Variants in ADGRL3 observed in about 807,000 individuals in gnomAD.
ADGRL3 encodes the protein adhesion G protein-coupled receptor L3.
Under a neutral mutation model 153.5 loss-of-function variants are expected in ADGRL3, and 62 were observed. That is an observed-to-expected ratio of 0.40 (90% CI 0.33 to 0.50). The LOEUF (loss-of-function observed/expected upper bound fraction) is 0.50, where lower values mean the gene tolerates loss of function less well. ADGRL3 is among the 20% of genes least tolerant of loss of function. ADGRL3 has a pLI of 0.47. For synonymous variants in ADGRL3, 710 were observed against 672.5 expected (o/e 1.06, Z -0.86); for missense variants, 1,641 against 1,859.4 (o/e 0.88, Z 2.16).
At chr4:61,455,206 C>G (rs2097720634) in intron 2 of ADGRL3, among the ~76,000 whole-genome samples, 1 of 152,056 alleles carries the variant, frequency 6.6e-6, no homozygotes, top group South Asian at 2.1e-4. Context: ...CTGAGCATGA[C>G]TCTTGAAGCT....
Position 61,432,647 on chromosome 4 carries a change from TTTCTTTC to T in ADGRL3, c.-174+49461_-174+49467del, listed in dbSNP as rs1199602869. The stretch of plus-strand genomic sequence containing the variant: ...CTTTCTTTCTTTCTTTCTTTCTTTC[TTTCTTTC>T]TTTTTTTTTTTTTTTTGAGACAGAA... On this transcript the variant is annotated intron_variant, in intron 2 of 26. Coordinates refer to ENST00000683033, the MANE Select transcript of ADGRL3 (RefSeq NM_001387552.1). Among the ~76,000 whole-genome samples, 204 of 40,150 alleles carry T rather than the reference TTTCTTTC, an allele frequency of 5.1e-3. 15 individuals are homozygous for T. Among genetic ancestry groups the T allele is most frequent in the South Asian group, 7.5e-3 (7 of 938 alleles). 26.3% of individuals were successfully genotyped at this position (40,150 alleles called of 152,430 possible).
In ADGRL3 at chr4:61,432,574, CTTT is replaced by C. The variant is rs1560622569; in HGVS notation, c.-174+49386_-174+49388del. 1.8e-3 allele frequency among the ~76,000 whole-genome samples: 3 copies of C among 1,666 alleles called. 1 individual carries two copies. The highest frequency in any genetic ancestry group is 2.6e-3 in the African/African-American group (3 of 1,168). The allele number at this position is 1,666 out of a possible 152,430, so 1.1% of individuals were successfully genotyped here. A position where few individuals can be genotyped will look rare whatever the true frequency, so the allele number is the denominator to read the frequency against. ...TTATAGATTTCTTTTCTTTCTCTTC[CTTT>C]CTTTCTTTCTTTCTTTCTTTCTTTC... is the stretch of plus-strand genomic sequence containing the variant. On this transcript the variant is annotated intron_variant, in intron 2 of 26. Transcript: ENST00000683033.
At chr4:61,786,562 T>A (rs2097278457) in intron 8 of ADGRL3, among the ~76,000 whole-genome samples, 1 of 152,224 alleles carries the variant, frequency 6.6e-6, no homozygotes, top group African/African-American at 2.4e-5. Context: ...CACCCTTAGC[T>A]GCTATTGCCA....
intron 1 of ADGRL3, among the ~76,000 whole-genome samples, chr4:61,368,956 G>T (rs1454934089): frequency 6.6e-6 from 1 of 152,150 alleles, no homozygotes; most frequent in East Asian, 1.9e-4. Flanking sequence ...TCCCTTGTAA[G>T]TTGGATTCCT....
At chr4:61,869,540 G>A (rs1477488188) in intron 9 of ADGRL3, among the ~76,000 whole-genome samples, 1 of 151,960 alleles carries the variant, frequency 6.6e-6, no homozygotes, top group Non-Finnish European at 1.5e-5. Context: ...GGAGCTTGCA[G>A]TGAGCCGAGA....
chr4:61,883,990 T>C lies in ADGRL3; in HGVS notation c.1481-8666T>C, dbSNP rs1381048718. Among the ~76,000 whole-genome samples the C allele has an allele frequency of 5.9e-5, 9 of 152,180 alleles. No individual in the cohort carries two copies. The South Asian group carries it at 8.3e-4, about 14-fold the overall frequency. Reference sequence around the variant, plus strand: ...GTATTTCTCCTCTTTGTATTTTCTATCTTCTTTGGTAGCTTTTTCCATAAG... The same window carrying C: ...GTATTTCTCCTCTTTGTATTTTCTACCTTCTTTGGTAGCTTTTTCCATAAG... On this transcript the variant is annotated intron_variant, in intron 9 of 26. Transcript: ENST00000683033.
At chr4:61,215,321 A>T (rs967632851) in intron 1 of ADGRL3, among the ~76,000 whole-genome samples, 1 of 152,174 alleles carries the variant, frequency 6.6e-6, no homozygotes, top group Admixed American at 6.6e-5. Flanking sequence ...AAAACAAGTG[A>T]ACATGAAAGC....
chr4:61,503,886 A>G (rs1189291200), intron 3 of ADGRL3, among the ~76,000 whole-genome samples: 2 of 152,078 alleles, frequency 1.3e-5, no homozygotes, highest in African/African-American at 4.8e-5. Context: ...TGTTTTGGGA[A>G]TGTTTCAGAT....
At chr4:61,543,704 T>A (rs1255443985) in intron 4 of ADGRL3, among the ~76,000 whole-genome samples, 3 of 152,236 alleles carry the variant, frequency 2.0e-5, no homozygotes, top group African/African-American at 7.2e-5. Flanking sequence ...CATACCTGTA[T>A]CCTTAATAGA....
At chr4:61,862,372 A>T (rs988766662) in intron 9 of ADGRL3, among the ~76,000 whole-genome samples, 1 of 152,222 alleles carries the variant, frequency 6.6e-6, no homozygotes, top group Non-Finnish European at 1.5e-5. Flanking sequence ...AGTCTAGATC[A>T]GCCAAATCAC....
At chr4:61,802,939 C>A (rs2097516053) in intron 8 of ADGRL3, among the ~76,000 whole-genome samples, 1 of 152,066 alleles carries the variant, frequency 6.6e-6, no homozygotes. Context: ...TCTAATCCCA[C>A]ATGAGGCAAG....
chr4:61,966,977 G>C (rs1399770925), intron 17 of ADGRL3, among the ~76,000 whole-genome samples: 1 of 152,060 alleles, frequency 6.6e-6, no homozygotes, highest in East Asian at 1.9e-4. Context: ...TTAGCTACCA[G>C]TTAGGGTGAC....
At position 61,200,397 on chromosome 4, in the gene ADGRL3, C is replaced by T. The variant is rs1269572044; in HGVS notation, c.-1608C>T. Among the ~76,000 whole-genome samples, 2 of 151,966 alleles carry T rather than the reference C, an allele frequency of 1.3e-5. No individual in the cohort carries two copies. Among genetic ancestry groups the T allele is most frequent in the Non-Finnish European group, 2.9e-5 (2 of 67,976 alleles). Reference sequence around the variant, plus strand: ...GCTGCACGGTCCCCGCGCGCCCGCGCTCTGACCCGCTGTCTGCGCGTCGCC... The same window carrying T: ...GCTGCACGGTCCCCGCGCGCCCGCGTTCTGACCCGCTGTCTGCGCGTCGCC... On this transcript the variant is annotated 5_prime_UTR_variant, in exon 1 of 27. Coordinates refer to ENST00000683033, the MANE Select transcript of ADGRL3 (RefSeq NM_001387552.1).
intron 2 of ADGRL3, among the ~76,000 whole-genome samples, chr4:61,398,705 T>TTC (rs139429232): frequency 3.3e-5 from 5 of 149,910 alleles, no homozygotes; most frequent in Middle Eastern, 3.4e-3. Context: ...ACTCTCTCTC[T>TTC]TCTCTCTCTC....
intron 11 of ADGRL3, among the ~76,000 whole-genome samples, chr4:61,903,977 C>T (rs532501589): frequency 6.6e-6 from 1 of 151,550 alleles, no homozygotes; most frequent in East Asian, 2.0e-4. Flanking sequence ...CTATGTTGCC[C>T]AGGCTGGTCT....
intron 4 of ADGRL3, among the ~76,000 whole-genome samples, chr4:61,546,792 CA>C (rs565334609): frequency 2.0e-5 from 3 of 151,510 alleles, no homozygotes; most frequent in African/African-American, 7.3e-5. Context: ...GTGAATAGCA[CA>C]AAAAAAATTG....
At chr4:61,482,994 T>C (rs972901457) in intron 2 of ADGRL3, among the ~76,000 whole-genome samples, 6 of 152,212 alleles carry the variant, frequency 3.9e-5, no homozygotes, top group African/African-American at 9.6e-5. Context: ...GATGAGTTCA[T>C]TGAAATTTCC....
At chr4:61,832,315 G>A (rs961429764) in intron 9 of ADGRL3, among the ~76,000 whole-genome samples, 2 of 152,190 alleles carry the variant, frequency 1.3e-5, no homozygotes, top group Admixed American at 6.5e-5. Context: ...TGCAGATGAA[G>A]TCTCCCAGGT....
intron 6 of ADGRL3, among the ~76,000 whole-genome samples, chr4:61,680,405 C>CGTGTGTGTGTGT (rs3075156): frequency 6.9e-6 from 1 of 144,066 alleles, no homozygotes; most frequent in African/African-American, 2.6e-5. Context: ...TATACATACT[C>CGTGTGTGTGTGT]GTGTGTGTGT....
Sources: allele counts gnomAD v4.1 joint callset (sites outside exome capture counted in the v4.1 genomes callset), GRCh38; gene constraint gnomAD v4.1.1; transcripts MANE v1.5; gene names NCBI Gene and HGNC (gene_info 2026-07-23, HGNC 2026-07-21).